PSTPIP2: variants seen among roughly 807,000 people sequenced by gnomAD.
The protein encoded by PSTPIP2 is proline-serine-threonine phosphatase interacting protein 2, also known as proline-serine-threonine phosphatase-interacting protein 2.
In PSTPIP2, 33 loss-of-function variants were observed where a neutral mutation model predicts 63.3. That is an observed-to-expected ratio of 0.52 (90% CI 0.40 to 0.70). PSTPIP2 has a LOEUF of 0.70. Ranked by LOEUF, PSTPIP2 falls within the 30% of genes least tolerant of loss-of-function variation. The pLI, the probability that PSTPIP2 is intolerant of heterozygous loss-of-function variation, is 0.00. For missense variants in PSTPIP2, 312 were observed against 400.7 expected (o/e 0.78, Z 1.89); for synonymous variants, 125 against 132.7 (o/e 0.94, Z 0.40).
At chr18:46,034,415 C>G (rs142111808) in intron 2 of PSTPIP2, among the ~76,000 whole-genome samples, 1 of 152,290 alleles carries the variant, frequency 6.6e-6, no homozygotes, top group Non-Finnish European at 1.5e-5. Flanking sequence ...GTGGAAAAAC[C>G]ATCAGACAGG....
intron 4 of PSTPIP2, among the ~76,000 whole-genome samples, chr18:46,014,312 G>A (rs376878836): frequency 0.48 from 3,938 of 8,252 alleles, 72 homozygotes; most frequent in Middle Eastern, 0.5. Context: ...GTGAGCCACC[G>A]CACAGGCCAA....
intron 2 of PSTPIP2, chr18:46,028,159 T>C (rs541512874): frequency 1.5e-5 from 5 of 325,988 alleles, no homozygotes; most frequent in African/African-American, 6.9e-5. Context: ...AGACAGTGTC[T>C]CAAAAAGAAA....
At chr18:46,000,752 T>G (rs1008349816) in intron 6 of PSTPIP2, among the ~76,000 whole-genome samples, 1 of 152,214 alleles carries the variant, frequency 6.6e-6, no homozygotes, top group African/African-American at 2.4e-5. Flanking sequence ...TTGCCACCAG[T>G]ATTATGGAAA....
At chr18:46,057,125 G>GT (rs1242742247) in intron 1 of PSTPIP2, among the ~76,000 whole-genome samples, 14 of 151,794 alleles carry the variant, frequency 9.2e-5, no homozygotes, top group South Asian at 2.1e-4. Context: ...ACTACTGAGG[G>GT]TTTTTTTGGC....
chr18:46,012,473 T>C (rs1055173017), intron 4 of PSTPIP2, among the ~76,000 whole-genome samples: 4 of 152,174 alleles, frequency 2.6e-5, no homozygotes, highest in Non-Finnish European at 4.4e-5. Context: ...CATATGTGCA[T>C]CTACAATTAA....
intron 1 of PSTPIP2, among the ~76,000 whole-genome samples, chr18:46,043,984 GGAA>G (rs1908286763): frequency 6.6e-6 from 1 of 152,112 alleles, no homozygotes. Flanking sequence ...TAAAAGAAAT[GGAA>G]GAAGACCTAA....
intron 1 of PSTPIP2, among the ~76,000 whole-genome samples, chr18:46,045,376 T>C (rs899902932): frequency 3.9e-5 from 6 of 152,074 alleles, no homozygotes; most frequent in Non-Finnish European, 7.3e-5. Flanking sequence ...ATGGATGAAA[T>C]TGGAAATCAT....
At chr18:46,031,056 C>A (rs1475429105) in intron 2 of PSTPIP2, among the ~76,000 whole-genome samples, 1 of 152,136 alleles carries the variant, frequency 6.6e-6, no homozygotes, top group Non-Finnish European at 1.5e-5. Context: ...TCATAGTGTG[C>A]CCTTCAGATC....
At chr18:46,021,824 G>C (rs1907365541) in intron 3 of PSTPIP2, among the ~76,000 whole-genome samples, 1 of 129,734 alleles carries the variant, frequency 7.7e-6, no homozygotes, top group Admixed American at 8.5e-5. Flanking sequence ...ACTCCAGCCT[G>C]GGCAACAAAG....
chr18:46,061,365 T>A (rs768446610), intron 1 of PSTPIP2, among the ~76,000 whole-genome samples: 7 of 151,202 alleles, frequency 4.6e-5, no homozygotes, highest in Non-Finnish European at 1.0e-4. Flanking sequence ...TGCTTCGCAC[T>A]GAGAAACAAT....
intron 9 of PSTPIP2, among the ~76,000 whole-genome samples, chr18:45,994,157 T>A (rs2051567204): frequency 6.6e-6 from 1 of 152,190 alleles, no homozygotes; most frequent in Non-Finnish European, 1.5e-5. Context: ...TGTCTTTGTG[T>A]ATGTTTAATT....
chr18:46,071,581 G>T (rs947069141), intron 1 of PSTPIP2, among the ~76,000 whole-genome samples: 5 of 152,156 alleles, frequency 3.3e-5, no homozygotes, highest in African/African-American at 1.2e-4. Context: ...AAACAAGGCT[G>T]TAGAACAGGG....
chr18:45,988,729 T>C lies in PSTPIP2; in HGVS notation c.986A>G (p.Tyr329Cys), dbSNP rs1214679015. The C allele has an allele frequency of 1.7e-5, 27 of 1,564,694 alleles. No homozygotes were observed. The Admixed American group carries it at 2.7e-4, about 15-fold the overall frequency. Residue 329 changes from tyrosine (Y) to cysteine (C), a missense_variant, in exon 14 of 15, where the codon TAC becomes TGC. By Grantham distance (194) the Tyr-to-Cys change is radical. Transcript: ENST00000409746. ...DDPNYSLVDD[Y>C]SLLYQ ...TTGATTTTACTGATAGAGCAAACTGTAGTCATCAACCAAAGAGTAATTGGG... is the reference window on the plus strand; with the variant it reads ...TTGATTTTACTGATAGAGCAAACTGCAGTCATCAACCAAAGAGTAATTGGG...
At chr18:46,069,016 G>C (rs968576105) in intron 1 of PSTPIP2, among the ~76,000 whole-genome samples, 3 of 152,104 alleles carry the variant, frequency 2.0e-5, no homozygotes, top group Admixed American at 2.0e-4. Context: ...ACAGGAACAG[G>C]GTTGCTGAAA....
chr18:46,011,248 T>C lies in PSTPIP2; in HGVS notation c.287A>G (p.Gln96Arg). 1.2e-6 allele frequency: 2 copies of C among 1,614,078 alleles called. No homozygotes were observed. Among genetic ancestry groups the C allele is most frequent in the Non-Finnish European group, 1.7e-6 (2 of 1,179,974 alleles). The stretch of plus-strand genomic sequence containing the variant: ...CTTCCTGGCCTCTTCTCTTAAACTC[T>C]GTGCAAGCTGAATGTGACATTGTGC... ...NVAQCHIQLA[Q>R]SLREEARKME... Residue 96 changes from glutamine (Q) to arginine (R), a missense_variant, in exon 5 of 15, where the codon CAG (glutamine) becomes CGG (arginine). Physicochemically the swap from Gln to Arg is conservative, Grantham distance 43 (BLOSUM62 1). Coordinates refer to ENST00000409746, the MANE Select transcript of PSTPIP2 (RefSeq NM_024430.4).
At chr18:45,995,086 G>C in intron 9 of PSTPIP2, among the ~76,000 whole-genome samples, 1 of 151,910 alleles carries the variant, frequency 6.6e-6, no homozygotes. Flanking sequence ...ATGGGGAAGG[G>C]GTTGTTTCGT....
At position 46,005,486 on chromosome 18, in the gene PSTPIP2, A is replaced by C; in HGVS notation, c.400T>G (p.Phe134Val). The change falls in exon 6 of 15, where the codon TTC (phenylalanine) becomes GTC (valine). Residue 134 changes from phenylalanine to valine, a missense_variant. Transcript: ENST00000409746. ...TGACTCACATCCATGGTTTTCTTGA[A>C]TTGTAAGCTCTTTTGTTTATGGATA... ...DAIHKQKSLQ[F>V]KKTMDAKKNY... 1 of 1,601,944 alleles carries C rather than the reference A, an allele frequency of 6.2e-7. No individual in the cohort carries two copies. Among genetic ancestry groups the C allele is most frequent in the Middle Eastern group, 1.7e-4 (1 of 6,032 alleles).
chr18:46,021,249 A>T (rs1478948251), intron 3 of PSTPIP2, among the ~76,000 whole-genome samples: 2 of 152,220 alleles, frequency 1.3e-5, no homozygotes, highest in Non-Finnish European at 2.9e-5. Flanking sequence ...CGAAACAAAT[A>T]AACGTAACTA....
Position 45,999,423 on chromosome 18 carries a change from C to G in PSTPIP2, c.516+13G>C. The G allele has an allele frequency of 6.2e-7, 1 of 1,614,012 alleles. No individual in the cohort carries two copies. The highest frequency in any genetic ancestry group is 8.5e-7 in the Non-Finnish European group (1 of 1,179,868). On this transcript the variant is annotated intron_variant, in intron 7 of 14. Transcript: ENST00000409746. ...AGTCTCAGATTTTTCGGGTTGTTAGCCCTCCTGGGTACCTTTTCTTGTTGC... is the reference window on the plus strand; with the variant it reads ...AGTCTCAGATTTTTCGGGTTGTTAGGCCTCCTGGGTACCTTTTCTTGTTGC...
Sources: gnomAD v4.1 joint callset for allele counts (sites outside exome capture counted in the v4.1 genomes callset) on GRCh38, gnomAD v4.1.1 for gene constraint, MANE v1.5 for transcripts, NCBI Gene and HGNC (gene_info 2026-07-23, HGNC 2026-07-21) for gene names.